Variants in CACNA2D1 observed in about 807,000 individuals in gnomAD.
CACNA2D1 encodes voltage-dependent calcium channel subunit alpha-2/delta-1.
Under a neutral mutation model 171.5 loss-of-function variants are expected in CACNA2D1, and 53 were observed. The ratio of observed to expected loss-of-function variants is 0.31; its 90% CI spans 0.25 to 0.39. The LOEUF is 0.39. Among genes scored for constraint, CACNA2D1 ranks in the 10% least tolerant of loss-of-function variants. The pLI is 1.00. For missense variants in CACNA2D1, 903 were observed against 1,299.8 expected, an observed-to-expected ratio of 0.69 and a Z score of 4.69; for synonymous variants, 442 against 443.1, an observed-to-expected ratio of 1.00 and a Z score of 0.03.
At chr7:82,134,388 C>T (rs1209682839) in intron 5 of CACNA2D1, among the ~76,000 whole-genome samples, 2 of 152,008 alleles carry the variant, frequency 1.3e-5, no homozygotes, top group Non-Finnish European at 2.9e-5. Context: ...GTGTTAAAGC[C>T]CTAGGATGAC....
At chr7:82,081,854 AG>A (rs1156877128) in intron 7 of CACNA2D1, among the ~76,000 whole-genome samples, 1 of 152,074 alleles carries the variant, frequency 6.6e-6, no homozygotes, top group Non-Finnish European at 1.5e-5. Context: ...CTCTGGTGGG[AG>A]GGGGTGTGTG....
chr7:82,101,874 T>C (rs1464528595), intron 6 of CACNA2D1, among the ~76,000 whole-genome samples: 1 of 152,190 alleles, frequency 6.6e-6, no homozygotes, highest in Non-Finnish European at 1.5e-5. Flanking sequence ...TTAAGTGGTG[T>C]AACTGTATCA....
chr7:82,061,748 A>C (rs776341560), intron 9 of CACNA2D1, among the ~76,000 whole-genome samples: 6 of 152,146 alleles, frequency 3.9e-5, no homozygotes, highest in Non-Finnish European at 7.4e-5. Flanking sequence ...TTTCAAAGAC[A>C]GTTTGATGGG....
In CACNA2D1 at chr7:81,948,765, G is replaced by C. The variant is rs183058315; in HGVS notation, c.*1627C>G. On this transcript the variant is annotated 3_prime_UTR_variant, in exon 39 of 39. Coordinates refer to ENST00000356860, the MANE Select transcript of CACNA2D1 (RefSeq NM_000722.4). Reference sequence around the variant, plus strand: ...AATATCTACATACGTTCAGCCTTCAGTAAAATTATTAACTATTCTTAGAAT... The same window carrying C: ...AATATCTACATACGTTCAGCCTTCACTAAAATTATTAACTATTCTTAGAAT... 1 of 151,944 alleles carries C rather than the reference G, an allele frequency of 6.6e-6. No homozygotes were observed. 9.4% of individuals were successfully genotyped at this position (151,944 alleles called of 1,614,324 possible).
chr7:82,321,999 G>A lies in CACNA2D1; in HGVS notation c.294+13136C>T, dbSNP rs371923414. On this transcript the variant is annotated intron_variant, in intron 3 of 38. Transcript: ENST00000356860. ...AAATTAGCCGGGCGTAGTGGCGGGC[G>A]CCTGTAGTCCCAGCTACTTGGGAGG... Among the ~76,000 whole-genome samples the A allele has an allele frequency of 6.9e-3, 1,032 of 149,002 alleles. 15 individuals are homozygous for A. The highest frequency in any genetic ancestry group is 0.024 in the African/African-American group (994 of 40,804).
At chr7:81,956,731 T>A (rs1793404584) in intron 38 of CACNA2D1, among the ~76,000 whole-genome samples, 1 of 152,090 alleles carries the variant, frequency 6.6e-6, no homozygotes, top group Non-Finnish European at 1.5e-5. Context: ...CATCTCCATC[T>A]AGTGGCTTCC....
At chr7:82,289,024 T>C (rs1811198265) in intron 3 of CACNA2D1, among the ~76,000 whole-genome samples, 1 of 152,232 alleles carries the variant, frequency 6.6e-6, no homozygotes, top group South Asian at 2.1e-4. Context: ...AAAGTCACCA[T>C]GACCACATAG....
chr7:82,041,461 G>A (rs1331981562), intron 10 of CACNA2D1, among the ~76,000 whole-genome samples: 1 of 152,082 alleles, frequency 6.6e-6, no homozygotes, highest in East Asian at 1.9e-4. Context: ...CTTTAACAAT[G>A]AGGCAAGATG....
intron 3 of CACNA2D1, among the ~76,000 whole-genome samples, chr7:82,308,081 G>GAA (rs1813957222): frequency 6.6e-6 from 1 of 151,994 alleles, no homozygotes; most frequent in Admixed American, 6.6e-5. Context: ...CTTTCTTATT[G>GAA]GCAAGATTTT....
intron 9 of CACNA2D1, among the ~76,000 whole-genome samples, chr7:82,063,126 G>T (rs1281445911): frequency 6.6e-6 from 1 of 152,054 alleles, no homozygotes; most frequent in East Asian, 1.9e-4. Context: ...TCTGTTGAAA[G>T]AATTTTTGAA....
chr7:82,190,094 C>T (rs1798142811), intron 3 of CACNA2D1, among the ~76,000 whole-genome samples: 1 of 151,854 alleles, frequency 6.6e-6, no homozygotes, highest in Non-Finnish European at 1.5e-5. Flanking sequence ...TGATGAGAAA[C>T]TGTCATTTTG....
chr7:82,200,135 C>A (rs771402233), intron 3 of CACNA2D1, among the ~76,000 whole-genome samples: 18 of 152,038 alleles, frequency 1.2e-4, no homozygotes, highest in Non-Finnish European at 2.4e-4. Context: ...CACACATATA[C>A]GTATGTATAA....
At chr7:81,977,811 G>A (rs1796008332) in intron 24 of CACNA2D1, among the ~76,000 whole-genome samples, 1 of 151,604 alleles carries the variant, frequency 6.6e-6, no homozygotes, top group African/African-American at 2.4e-5. Context: ...GCAACCTACA[G>A]AATGGGAGAA....
intron 2 of CACNA2D1, among the ~76,000 whole-genome samples, chr7:82,343,943 T>C (rs760892188): frequency 4.6e-5 from 7 of 152,204 alleles, no homozygotes; most frequent in Non-Finnish European, 1.0e-4. Flanking sequence ...CATATCTTAT[T>C]AACAAATGGC....
intron 38 of CACNA2D1, among the ~76,000 whole-genome samples, chr7:81,958,778 G>C (rs1322569711): frequency 6.6e-6 from 1 of 151,888 alleles, no homozygotes; most frequent in African/African-American, 2.4e-5. Context: ...TCTAATATGT[G>C]ATAGCATCAG....
At chr7:81,982,521 G>A in intron 24 of CACNA2D1, 46 bp downstream of exon 24, 1 of 1,027,416 alleles carries the variant, frequency 9.7e-7, no homozygotes, top group Non-Finnish European at 1.6e-6. Context: ...ACTGTTGAAG[G>A]CCTAGCTACT....
intron 7 of CACNA2D1, 92 bp from the exon 8 acceptor site, chr7:82,066,616 T>C (rs1427080856): frequency 6.8e-7 from 1 of 1,481,258 alleles, no homozygotes; most frequent in Non-Finnish European, 9.0e-7. Context: ...AAGCAATAGA[T>C]ACATAATTTC....
At chr7:82,328,802 G>T (rs1045116656) in intron 3 of CACNA2D1, among the ~76,000 whole-genome samples, 36 of 152,190 alleles carry the variant, frequency 2.4e-4, no homozygotes, top group African/African-American at 8.7e-4. Flanking sequence ...TCTTGCCAAT[G>T]TCTCACTTTC....
At chr7:82,176,599 A>G (rs923301730) in intron 3 of CACNA2D1, among the ~76,000 whole-genome samples, 6 of 151,844 alleles carry the variant, frequency 4.0e-5, no homozygotes, top group African/African-American at 1.5e-4. Context: ...AAAGTTATAA[A>G]ATGTAAACAG....
Sources: gnomAD v4.1 joint callset for allele counts (sites outside exome capture counted in the v4.1 genomes callset) on GRCh38, gnomAD v4.1.1 for gene constraint, MANE v1.5 for transcripts, NCBI Gene and HGNC (gene_info 2026-07-23, HGNC 2026-07-21) for gene names.